TAF4: variants seen among roughly 807,000 people sequenced by gnomAD.
The protein encoded by TAF4 is TATA-box binding protein associated factor 4, also known as transcription initiation factor TFIID subunit 4.
TAF4 carries 9 observed loss-of-function variants against 90.3 expected under a neutral mutation model. The ratio of observed to expected loss-of-function variants is 0.10; its 90% CI spans 0.06 to 0.17. The LOEUF is 0.17. Ranked by LOEUF, TAF4 falls within the 10% of genes least tolerant of loss-of-function variation. The probability of loss-of-function intolerance (pLI) is 1.00; values close to 1 mark genes in which losing one functional copy is unlikely to be tolerated. For synonymous variants in TAF4, 818 were observed against 638.9 expected (o/e 1.28, Z -4.23); for missense variants, 1,351 against 1,370.7 (o/e 0.99, Z 0.23).
Position 62,065,243 on chromosome 20 carries a change from C to G in TAF4, c.568G>C (p.Ala190Pro). 9.5e-7 allele frequency: 1 copy of G among 1,056,866 alleles called. No homozygotes were observed. The highest frequency in any genetic ancestry group is 1.1e-6 in the Non-Finnish European group (1 of 870,008). The allele number at this position is 1,056,866 out of a possible 1,614,324, so 65.5% of individuals were successfully genotyped here. The change falls in exon 1 of 15, where the codon GCC becomes CCC. Residue 190 changes from alanine (A) to proline (P), a missense_variant. Transcript: ENST00000252996. ...PGPGPGPGKPAGPGAAQTLNG... is the reference protein window; with the variant it reads ...PGPGPGPGKPPGPGAAQTLNG... ...AAAGTTTGCGCGGCGCCGGGGCCGGCGGGCTTGCCAGGGCCAGGGCCGGGG... is the reference window on the plus strand; with the variant it reads ...AAAGTTTGCGCGGCGCCGGGGCCGGGGGGCTTGCCAGGGCCAGGGCCGGGG...
In TAF4 at chr20:61,998,883, C is replaced by T. The variant is rs1305178280; in HGVS notation, c.2913+100G>A. The T allele has an allele frequency of 2.7e-6, 4 of 1,501,492 alleles. No homozygotes were observed. The African/African-American group carries it at 5.5e-5, about 21-fold the overall frequency. The allele number at this position is 1,501,492 out of a possible 1,614,324, so 93.0% of individuals were successfully genotyped here. A position where few individuals can be genotyped will look rare whatever the true frequency, so the allele number is the denominator to read the frequency against. On this transcript the variant is annotated intron_variant, in intron 12 of 14. Transcript: ENST00000252996. ...CCTTTGCTTCAAGGCCAGCCCAAAACATGCTCTGACCACCCAAAACCCCAC... is the reference window on the plus strand; with the variant it reads ...CCTTTGCTTCAAGGCCAGCCCAAAATATGCTCTGACCACCCAAAACCCCAC...
rs201266967 is a variant in TAF4 at position 62,006,790 on chromosome 20, C to T, written c.1975-32G>A. On this transcript the variant is annotated intron_variant, in intron 6 of 14. Transcript: ENST00000252996. This position sits in a 1 kb window ranked among gnomAD's most constrained non-coding sequence, Gnocchi z 7.0. ...GGAAAGACAGACACGAGGGGTCAGGCGGCTGCTCATGCGTCGGTTTTCCTT... is the reference window on the plus strand; with the variant it reads ...GGAAAGACAGACACGAGGGGTCAGGTGGCTGCTCATGCGTCGGTTTTCCTT... 9.4e-5 allele frequency: 135 copies of T among 1,438,776 alleles called. No individual in the cohort carries two copies. Among genetic ancestry groups the T allele is most frequent in the Non-Finnish European group, 1.2e-4 (126 of 1,086,022 alleles). 89.1% of individuals were successfully genotyped at this position (1,438,776 alleles called of 1,614,324 possible). A position where few individuals can be genotyped will look rare whatever the true frequency, so the allele number is the denominator to read the frequency against.
rs2056125387 is a variant in TAF4 at position 62,065,482 on chromosome 20, G to A, written c.329C>T (p.Pro110Leu). ...GGPQRPGPPS[P>L]RRPLVPAGPA... ...CCCTGCGGGGACAAGGGGGCGGCGC[G>A]GTGAGGGGGGGCCCGGGCGCTGCGG... is the stretch of plus-strand genomic sequence containing the variant. The change falls in exon 1 of 15, where the codon CCG becomes CTG. Residue 110 changes from proline to leucine, a missense_variant. Around this residue, in one of 9 missense-constraint regions of TAF4, gnomAD observed 782 missense variants for 536.6 expected, o/e 1.46. Transcript: ENST00000252996. 2.1e-6 allele frequency: 2 copies of A among 971,660 alleles called. No individual in the cohort carries two copies. The highest frequency in any genetic ancestry group is 1.2e-4 in the East Asian group (1 of 8,502). 60.2% of individuals were successfully genotyped at this position (971,660 alleles called of 1,614,324 possible).
At position 62,004,366 on chromosome 20, in the gene TAF4, G is replaced by A. The variant is rs547881380; in HGVS notation, c.2224-488C>T. On this transcript the variant is annotated intron_variant, in intron 7 of 14. Transcript: ENST00000252996. The stretch of plus-strand genomic sequence containing the variant: ...TTTTTGAGACAAGTCTCGCTCTGTC[G>A]CCCAGGCTGGAGTGTAGTGGCATGA... 824 of 126,488 alleles carry A rather than the reference G, an allele frequency of 6.5e-3. 2 individuals are homozygous for A. Among genetic ancestry groups the A allele is most frequent in the Non-Finnish European group, 8.7e-3 (553 of 63,646 alleles). 7.8% of individuals were successfully genotyped at this position (126,488 alleles called of 1,614,324 possible).
intron 7 of TAF4, chr20:62,005,893 G>C (rs2055741970): frequency 6.6e-6 from 1 of 152,188 alleles, no homozygotes; most frequent in Admixed American, 6.5e-5. Context: ...TTTTAAAACT[G>C]CCCCTCTACG....
At chr20:62,042,496 A>G (rs1205473194) in intron 1 of TAF4, among the ~76,000 whole-genome samples, 2 of 152,222 alleles carry the variant, frequency 1.3e-5, no homozygotes, top group African/African-American at 4.8e-5. Flanking sequence ...ACACTTAGCC[A>G]TCTGAGAATG....
rs1441749413 is a variant in TAF4 at position 62,064,436 on chromosome 20, C to G, written c.1360+15G>C. On this transcript the variant is annotated intron_variant, in intron 1 of 14. Coordinates refer to ENST00000252996, the MANE Select transcript of TAF4 (RefSeq NM_003185.4). ...TGGGAGCCGCCCTTCCCTCCCGCCC[C>G]GTGCGGCCACTCACCTGGGGGCAGC... 4 of 1,360,616 alleles carry G rather than the reference C, an allele frequency of 2.9e-6. No homozygotes were observed. The highest frequency in any genetic ancestry group is 3.8e-6 in the Non-Finnish European group (4 of 1,048,588). The allele number at this position is 1,360,616 out of a possible 1,614,324, so 84.3% of individuals were successfully genotyped here.
At chr20:62,047,951 C>T (rs1568941564) in intron 1 of TAF4, among the ~76,000 whole-genome samples, 1 of 152,184 alleles carries the variant, frequency 6.6e-6, no homozygotes, top group Non-Finnish European at 1.5e-5. Flanking sequence ...AACCCTGCCC[C>T]GGGACCGCCC....
At chr20:62,018,391 G>T (rs2055824512) in intron 1 of TAF4, among the ~76,000 whole-genome samples, 1 of 152,240 alleles carries the variant, frequency 6.6e-6, no homozygotes, top group African/African-American at 2.4e-5. Flanking sequence ...AAATAATCCA[G>T]CAGCATCTAT....
intron 1 of TAF4, among the ~76,000 whole-genome samples, chr20:62,028,403 C>T (rs981359257): frequency 2.0e-5 from 3 of 152,158 alleles, no homozygotes; most frequent in African/African-American, 7.2e-5. Flanking sequence ...CACTTACATG[C>T]AGATTTTTTT....
intron 14 of TAF4, among the ~76,000 whole-genome samples, chr20:61,976,563 T>G (rs2055496076): frequency 6.6e-6 from 1 of 152,222 alleles, no homozygotes; most frequent in Non-Finnish European, 1.5e-5. Context: ...CACACTCAGA[T>G]GCTGCCCAAT....
Position 62,065,220 on chromosome 20 carries a change from A to C in TAF4, c.591T>G (p.Thr197=). ...TCAGCAGCGCGGCGCTCCCATTCAAAGTTTGCGCGGCGCCGGGGCCGGCGG... is the reference window on the plus strand; with the variant it reads ...TCAGCAGCGCGGCGCTCCCATTCAACGTTTGCGCGGCGCCGGGGCCGGCGG... ...GKPAGPGAAQ[T]LNGSAALLNS... Residue 197 remains threonine (T), a synonymous_variant, in exon 1 of 15, where the codon ACT becomes ACG. Coordinates refer to ENST00000252996, the MANE Select transcript of TAF4 (RefSeq NM_003185.4). 8.8e-7 allele frequency: 1 copy of C among 1,141,648 alleles called. No individual in the cohort carries two copies. The highest frequency in any genetic ancestry group is 1.1e-6 in the Non-Finnish European group (1 of 914,746). The allele number at this position is 1,141,648 out of a possible 1,614,324, so 70.7% of individuals were successfully genotyped here.
chr20:62,029,106 G>A (rs1256867026), intron 1 of TAF4, among the ~76,000 whole-genome samples: 1 of 151,530 alleles, frequency 6.6e-6, no homozygotes, highest in Non-Finnish European at 1.5e-5. Flanking sequence ...TGAGGCAGGA[G>A]AATGGTGTGA....
At chr20:62,027,103 A>C (rs904013605) in intron 1 of TAF4, among the ~76,000 whole-genome samples, 1 of 152,224 alleles carries the variant, frequency 6.6e-6, no homozygotes, top group Non-Finnish European at 1.5e-5. Flanking sequence ...GTTCACCCTG[A>C]AGTTTAAAGA....
intron 14 of TAF4, among the ~76,000 whole-genome samples, chr20:61,991,190 G>C (rs1030269332): frequency 1.3e-5 from 2 of 151,970 alleles, no homozygotes; most frequent in Non-Finnish European, 2.9e-5. Flanking sequence ...AGGCTGAGAC[G>C]GGCAAATCAC....
chr20:62,064,398 C>G, intron 1 of TAF4, 53 bp downstream of exon 1: 1 of 1,278,580 alleles, frequency 7.8e-7, no homozygotes, highest in Non-Finnish European at 9.9e-7. Flanking sequence ...CTGGAACTGG[C>G]AGCTGGCGCT....
rs1327412453 is a variant in TAF4, at chr20:62,065,863, CGAG to C, written c.-56_-54del. ...GCCGCTCGGGCCGAGCGCGCCTGGG[CGAG>C]GAGGAGGTTCCGACTGGGGCGGGCG... is the stretch of plus-strand genomic sequence containing the variant. On this transcript the variant is annotated 5_prime_UTR_variant, in exon 1 of 15. Transcript: ENST00000252996. 1.7e-6 allele frequency: 2 copies of C among 1,185,046 alleles called. No homozygotes were observed. Among genetic ancestry groups the C allele is most frequent in the Non-Finnish European group, 2.1e-6 (2 of 937,420 alleles). 73.4% of individuals were successfully genotyped at this position (1,185,046 alleles called of 1,614,324 possible). A position where few individuals can be genotyped will look rare whatever the true frequency, so the allele number is the denominator to read the frequency against.
chr20:62,060,153 G>A (rs757354782), intron 1 of TAF4, among the ~76,000 whole-genome samples: 9 of 152,206 alleles, frequency 5.9e-5, no homozygotes, highest in Non-Finnish European at 1.0e-4. Flanking sequence ...GGGCAGTCCT[G>A]GAAGCCAGGG....
intron 1 of TAF4, among the ~76,000 whole-genome samples, chr20:62,051,070 AGGAAATCACCAT>A (rs2056024580): frequency 6.6e-6 from 1 of 152,206 alleles, no homozygotes; most frequent in Admixed American, 6.5e-5. Flanking sequence ...TCAGAAAGGG[AGGAAATCACCAT>A]GGAAATCACG....
Sources: allele counts gnomAD v4.1 joint callset (sites outside exome capture counted in the v4.1 genomes callset), GRCh38; gene constraint gnomAD v4.1.1; regional missense constraint gnomAD v4.1.1; non-coding constraint Gnocchi (gnomAD v3.1); transcripts MANE v1.5; gene names NCBI Gene and HGNC (gene_info 2026-07-23, HGNC 2026-07-21).